PPP4R1: variants seen among roughly 807,000 people sequenced by gnomAD.
PPP4R1 encodes the protein serine/threonine-protein phosphatase 4 regulatory subunit 1.
In PPP4R1, 42 loss-of-function variants were observed where a neutral mutation model predicts 111.2. The ratio of observed to expected loss-of-function variants is 0.38; its 90% confidence interval spans 0.29 to 0.49. The LOEUF (loss-of-function observed/expected upper bound fraction) is 0.49, where lower values mean the gene tolerates loss of function less well. Ranked by LOEUF, PPP4R1 falls within the 20% of genes least tolerant of loss-of-function variation. The probability of loss-of-function intolerance (pLI) is 0.97; values close to 1 mark genes in which losing one functional copy is unlikely to be tolerated. For synonymous variants in PPP4R1, 409 were observed against 405.5 expected (o/e 1.01, Z -0.10); for missense variants, 1,012 against 1,161.6 (o/e 0.87, Z 1.87).
intron 9 of PPP4R1, among the ~76,000 whole-genome samples, chr18:9,578,554 T>C (rs1057007672): frequency 2.6e-4 from 35 of 135,860 alleles, no homozygotes; most frequent in Admixed American, 8.9e-4. Context: ...TTCTTTTCTT[T>C]AAAAAAAAAA....
rs374799296 is a variant in PPP4R1 at position 9,560,606 on chromosome 18, A to C, written c.1843-1002T>G. Reference sequence around the variant, plus strand: ...ATGAAAATGGAAATAAACTCATTAAAATGAGATTTGAAATACTGAAAATGT... The same window carrying C: ...ATGAAAATGGAAATAAACTCATTAACATGAGATTTGAAATACTGAAAATGT... On this transcript the variant is annotated intron_variant, in intron 13 of 19. Transcript: ENST00000400556. Among the ~76,000 whole-genome samples the C allele has an allele frequency of 4.6e-5, 7 of 152,326 alleles. 1 individual carries two copies. In the South Asian group the frequency reaches 1.0e-3, roughly 23 times the overall value.
At chr18:9,575,426 T>C (rs765794132) in intron 10 of PPP4R1, among the ~76,000 whole-genome samples, 3 of 152,220 alleles carry the variant, frequency 2.0e-5, no homozygotes, top group Non-Finnish European at 2.9e-5. Flanking sequence ...TACTTCTTTA[T>C]AGTTTGTCAA....
At chr18:9,568,334 C>T in intron 11 of PPP4R1, among the ~76,000 whole-genome samples, 1 of 152,190 alleles carries the variant, frequency 6.6e-6, no homozygotes, top group East Asian at 1.9e-4. Context: ...GTTTTATGCA[C>T]TGGAAAACCA....
At position 9,595,062 on chromosome 18, in the gene PPP4R1, C is replaced by T. The variant is rs2067269932; in HGVS notation, c.144G>A (p.Leu48=). The T allele has an allele frequency of 3.7e-6, 6 of 1,614,022 alleles. No homozygotes were observed. Among genetic ancestry groups the T allele is most frequent in the Non-Finnish European group, 5.1e-6 (6 of 1,179,962 alleles). ...FVSQDEMLTP[L]GRLDKYAASE... ...TTGCAGCATACTTGTCCAATCTCCC[C>T]AGGGGCGTCAACATTTCATCTTGTG... The change falls in exon 3 of 20, where the codon CTG becomes CTA. Residue 48 remains leucine, a synonymous_variant. Transcript: ENST00000400556.
intron 18 of PPP4R1, chr18:9,549,748 C>T: frequency 1.9e-6 from 1 of 515,140 alleles, no homozygotes; most frequent in Non-Finnish European, 3.5e-6. Flanking sequence ...TGTACATATA[C>T]ACACGTCTGA....
rs549126665 is a variant in PPP4R1, at chr18:9,550,297, C to T, written c.2393G>A (p.Arg798His). The change falls in exon 17 of 20, where the codon CGT (arginine) becomes CAT (histidine). Residue 798 changes from arginine (R) to histidine (H), a missense_variant. Physicochemically the swap from Arg to His is conservative, Grantham distance 29. Transcript: ENST00000400556. The part of the protein sequence containing the change: ...NLCADKVSSV[R>H]WISYKLVSEM... ...ACATACCAACTTGTAGGAAATCCAA[C>T]GAACAGAAGAAACTTTGTCTGCACA... 4 of 1,614,020 alleles carry T rather than the reference C, an allele frequency of 2.5e-6. No individual in the cohort carries two copies. Among genetic ancestry groups the T allele is most frequent in the East Asian group, 2.2e-5 (1 of 44,884 alleles).
At chr18:9,607,342 C>G (rs188987135) in intron 2 of PPP4R1, among the ~76,000 whole-genome samples, 59 of 144,142 alleles carry the variant, frequency 4.1e-4, no homozygotes, top group African/African-American at 1.5e-3. Context: ...GCCTGGGCAA[C>G]AGAGCCAGAC....
intron 4 of PPP4R1, among the ~76,000 whole-genome samples, chr18:9,589,456 G>C (rs2067174706): frequency 6.6e-6 from 1 of 152,144 alleles, no homozygotes; most frequent in African/African-American, 2.4e-5. Flanking sequence ...TGTCTAAGAA[G>C]CAACAGTAGG....
chr18:9,604,228 G>A (rs1432463077), intron 2 of PPP4R1, among the ~76,000 whole-genome samples: 6 of 152,026 alleles, frequency 3.9e-5, no homozygotes, highest in Non-Finnish European at 7.4e-5. Flanking sequence ...TAAAGACCAC[G>A]GTCCTAGACT....
intron 2 of PPP4R1, among the ~76,000 whole-genome samples, chr18:9,601,301 T>A (rs1181917960): frequency 6.6e-6 from 1 of 151,160 alleles, no homozygotes; most frequent in East Asian, 2.0e-4. Flanking sequence ...GGCAGGTAGA[T>A]CACTTAGAGG....
At chr18:9,562,656 T>C (rs2066697236) in intron 12 of PPP4R1, among the ~76,000 whole-genome samples, 1 of 152,148 alleles carries the variant, frequency 6.6e-6, no homozygotes, top group African/African-American at 2.4e-5. Flanking sequence ...AAAACAGAAA[T>C]GCACTAAAGC....
chr18:9,576,628 A>C (rs1443379565), intron 10 of PPP4R1, among the ~76,000 whole-genome samples: 1 of 152,218 alleles, frequency 6.6e-6, no homozygotes, highest in Non-Finnish European at 1.5e-5. Context: ...ATTATTTGAC[A>C]GAAAAGGACA....
At chr18:9,608,474 A>T (rs1238957059) in intron 2 of PPP4R1, among the ~76,000 whole-genome samples, 1 of 152,236 alleles carries the variant, frequency 6.6e-6, no homozygotes, top group African/African-American at 2.4e-5. Flanking sequence ...GTCTAGGGAG[A>T]TAAGAAGCTA....
chr18:9,573,701 G>A (rs954949547), intron 10 of PPP4R1, among the ~76,000 whole-genome samples: 3 of 152,130 alleles, frequency 2.0e-5, no homozygotes, highest in African/African-American at 4.8e-5. Context: ...GGGCTGAAGC[G>A]ATCCTCCTGC....
intron 11 of PPP4R1, among the ~76,000 whole-genome samples, chr18:9,566,308 C>T (rs28838295): frequency 0.2 from 30,159 of 151,882 alleles, 3,309 homozygotes; most frequent in East Asian, 0.49. Flanking sequence ...TTCAAAGCTC[C>T]GAAGGCCAAG....
intron 9 of PPP4R1, among the ~76,000 whole-genome samples, chr18:9,578,419 T>G (rs2066972785): frequency 6.6e-6 from 1 of 152,174 alleles, no homozygotes; most frequent in South Asian, 2.1e-4. Flanking sequence ...CTATTTTTTT[T>G]GCAGAGACAA....
chr18:9,610,992 C>A (rs1157602571), intron 2 of PPP4R1, among the ~76,000 whole-genome samples: 1 of 152,086 alleles, frequency 6.6e-6, no homozygotes, highest in Non-Finnish European at 1.5e-5. Flanking sequence ...CTCTGTGCCT[C>A]TGTACAGAGA....
chr18:9,576,145 C>T (rs981419553), intron 10 of PPP4R1, among the ~76,000 whole-genome samples: 1 of 152,044 alleles, frequency 6.6e-6, no homozygotes, highest in Admixed American at 6.6e-5. Flanking sequence ...AACAAGGCAG[C>T]AGAGAAGAAA....
At chr18:9,578,872 C>G (rs892386533) in intron 9 of PPP4R1, among the ~76,000 whole-genome samples, 1 of 152,138 alleles carries the variant, frequency 6.6e-6, no homozygotes, top group African/African-American at 2.4e-5. Context: ...GCTGTATGCA[C>G]GAATTTAATC....
Sources: allele counts gnomAD v4.1 joint callset (sites outside exome capture counted in the v4.1 genomes callset), GRCh38; gene constraint gnomAD v4.1.1; transcripts MANE v1.5; gene names NCBI Gene and HGNC (gene_info 2026-07-23, HGNC 2026-07-21).